DIAPH2: variants seen among roughly 807,000 people sequenced by gnomAD.
DIAPH2 encodes the protein diaphanous related formin 2.
Under a neutral mutation model 92.7 loss-of-function variants are expected in DIAPH2, and 35 were observed. The observed-to-expected ratio is 0.38, with a 90% CI of 0.29 to 0.50. The LOEUF (loss-of-function observed/expected upper bound fraction) is 0.50, where lower values mean the gene tolerates loss of function less well. Ranked by LOEUF, DIAPH2 falls within the 20% of genes least tolerant of loss-of-function variation. DIAPH2 has a pLI of 0.94. For synonymous variants in DIAPH2, 301 were observed against 280.4 expected (o/e 1.07, Z -0.73); for missense variants, 701 against 819.5 (o/e 0.86, Z 1.77).
At position 97,601,278 on chromosome X, in the gene DIAPH2, T is replaced by G. The variant is rs1246038360; in HGVS notation, c.*1961T>G. 8.9e-6 allele frequency: 1 copy of G among 112,077 alleles called. No individual in the cohort carries two copies. 9.2% of individuals were successfully genotyped at this position (112,077 alleles called of 1,213,427 possible). ...GACTAAAATTTGGGAGCATATGCCT[T>G]GCTATATTATCAAGCTGGTCAAGGT... is the stretch of plus-strand genomic sequence containing the variant. On this transcript the variant is annotated 3_prime_UTR_variant, in exon 27 of 27. Coordinates refer to ENST00000324765, the MANE Select transcript of DIAPH2 (RefSeq NM_006729.5).
chrX:97,447,645 G>A (rs756526700), intron 26 of DIAPH2, among the ~76,000 whole-genome samples: 25 of 111,700 alleles, frequency 2.2e-4, no homozygotes, highest in Admixed American at 5.7e-4. Context: ...GGTGGGTGGT[G>A]CGTTAGCTCT....
chrX:97,377,982 C>A (rs1192709296), intron 24 of DIAPH2, among the ~76,000 whole-genome samples: 2 of 107,604 alleles, frequency 1.9e-5, no homozygotes, highest in African/African-American at 6.8e-5. Flanking sequence ...AAAAAAAAAC[C>A]CAGAAAACTT....
intron 17 of DIAPH2, among the ~76,000 whole-genome samples, chrX:96,980,125 G>A (rs899747930): frequency 2.7e-5 from 3 of 111,736 alleles, no homozygotes; most frequent in Admixed American, 9.5e-5. Context: ...AGTGGACCCT[G>A]TTCCTTTTCA....
In DIAPH2 at chrX:97,030,350, AT is replaced by A. The variant is rs1288205760; in HGVS notation, c.2051-42587del. The stretch of plus-strand genomic sequence containing the variant: ...CTGGAGAGAACAGTAAAACAAGTCC[AT>A]TTTGCTATATTTTGGCAAAAATTAT... On this transcript the variant is annotated intron_variant, in intron 17 of 26. Transcript: ENST00000324765. Among the ~76,000 whole-genome samples the A allele has an allele frequency of 1.2e-4, 13 of 111,423 alleles. No individual in the cohort carries two copies. The Admixed American group carries it at 1.2e-3, about 11-fold the overall frequency.
chrX:97,446,517 C>T (rs898506970), intron 26 of DIAPH2, among the ~76,000 whole-genome samples: 1 of 111,757 alleles, frequency 8.9e-6, no homozygotes, highest in African/African-American at 3.2e-5. Context: ...ATTTAAAGCA[C>T]TTTCCTTATA....
chrX:96,714,543 C>T (rs745582266), intron 1 of DIAPH2, among the ~76,000 whole-genome samples: 1 of 111,651 alleles, frequency 9.0e-6, no homozygotes, highest in South Asian at 3.7e-4. Flanking sequence ...GGATTACAGG[C>T]ATGAGCCATC....
At chrX:97,224,907 T>C (rs1482318413) in intron 22 of DIAPH2, among the ~76,000 whole-genome samples, 1 of 111,282 alleles carries the variant, frequency 9.0e-6, no homozygotes, top group African/African-American at 3.3e-5. Flanking sequence ...CTTCACTGAA[T>C]TTAACATGTT....
intron 22 of DIAPH2, among the ~76,000 whole-genome samples, chrX:97,146,309 C>T (rs1197983941): frequency 3.7e-5 from 4 of 108,315 alleles, no homozygotes; most frequent in Non-Finnish European, 5.7e-5. Context: ...AAAATGATCC[C>T]GTTCTCTTCA....
intron 4 of DIAPH2, among the ~76,000 whole-genome samples, chrX:96,799,283 C>T (rs1389222182): frequency 9.0e-6 from 1 of 111,397 alleles, no homozygotes; most frequent in Non-Finnish European, 1.9e-5. Flanking sequence ...GGATCACAGC[C>T]CTTTGCAGCC....
At chrX:97,550,888 G>T (rs1193537829) in intron 26 of DIAPH2, among the ~76,000 whole-genome samples, 1 of 111,806 alleles carries the variant, frequency 8.9e-6, no homozygotes, top group Non-Finnish European at 1.9e-5. Flanking sequence ...AGAGCAAGAG[G>T]TCTTTGGTGA....
chrX:97,336,057 C>A (rs936627218), intron 23 of DIAPH2, among the ~76,000 whole-genome samples: 3 of 109,888 alleles, frequency 2.7e-5, no homozygotes, highest in African/African-American at 9.9e-5. Flanking sequence ...CCTTCCAAGC[C>A]TTCCCTCATA....
intron 22 of DIAPH2, among the ~76,000 whole-genome samples, chrX:97,234,836 C>G (rs1445655889): frequency 8.9e-6 from 1 of 111,871 alleles, no homozygotes; most frequent in Non-Finnish European, 1.9e-5. Context: ...AATCCCTTAT[C>G]TAGTCTAGCC....
At chrX:97,114,636 TAC>T (rs758259342) in intron 20 of DIAPH2, 88 bp from the exon 21 acceptor site, 249 of 819,031 alleles carry the variant, frequency 3.0e-4, no homozygotes, top group Non-Finnish European at 3.8e-4. Context: ...GCAGAAATGT[TAC>T]AGTGTTGTCT....
chrX:97,146,631 G>T (rs1289939556), intron 22 of DIAPH2, among the ~76,000 whole-genome samples: 2 of 111,202 alleles, frequency 1.8e-5, no homozygotes, highest in Non-Finnish European at 3.8e-5. Context: ...AAGTATGTGG[G>T]TTCCATGGAA....
intron 17 of DIAPH2, among the ~76,000 whole-genome samples, chrX:96,985,192 AC>A (rs1331273107): frequency 9.0e-6 from 1 of 111,298 alleles, no homozygotes; most frequent in Non-Finnish European, 1.9e-5. Context: ...ACATGCCCTG[AC>A]GGGTCTAAAG....
chrX:96,816,523 G>T (rs1249271827), intron 4 of DIAPH2, among the ~76,000 whole-genome samples: 1 of 112,088 alleles, frequency 8.9e-6, no homozygotes, highest in African/African-American at 3.2e-5. Context: ...TTACAATGAG[G>T]TATCATCTCA....
chrX:96,749,145 A>AAATATAT (rs1252042191), intron 3 of DIAPH2, among the ~76,000 whole-genome samples: 10 of 79,808 alleles, frequency 1.3e-4, no homozygotes, highest in African/African-American at 5.1e-4. Context: ...AAAAAAAAAA[A>AAATATAT]ATATATATAT....
intron 4 of DIAPH2, among the ~76,000 whole-genome samples, chrX:96,846,764 A>AGTTTT (rs1229318955): frequency 1.2e-5 from 1 of 85,280 alleles, no homozygotes; most frequent in Non-Finnish European, 2.5e-5. Flanking sequence ...TGTACAAAAT[A>AGTTTT]GTTTTTTTTT....
intron 21 of DIAPH2, among the ~76,000 whole-genome samples, chrX:97,137,735 G>A (rs2067183176): frequency 9.0e-6 from 1 of 111,225 alleles, no homozygotes; most frequent in Admixed American, 9.6e-5. Context: ...GCAGACAGCA[G>A]CAGGAGGCAG....
Sources: gnomAD v4.1 joint callset for allele counts (sites outside exome capture counted in the v4.1 genomes callset) on GRCh38, gnomAD v4.1.1 for gene constraint, MANE v1.5 for transcripts, NCBI Gene and HGNC (gene_info 2026-07-23, HGNC 2026-07-21) for gene names.